The following DLG2 variants were observed in gnomAD, a reference collection of about 807,000 sequenced individuals.
DLG2 encodes disks large homolog 2.
A neutral mutation model predicts 132.5 loss-of-function variants in DLG2; 45 were observed. The ratio of observed to expected loss-of-function variants is 0.34; its 90% CI spans 0.27 to 0.44. The LOEUF is 0.44. DLG2 is among the 20% of genes least tolerant of loss of function. DLG2 has a pLI of 1.00. For synonymous variants in DLG2, 424 were observed against 419.6 expected (o/e 1.01, Z -0.13); for missense variants, 1,045 against 1,196.9 (o/e 0.87, Z 1.87).
At chr11:84,494,703 T>G (rs972929885) in intron 7 of DLG2, among the ~76,000 whole-genome samples, 1 of 152,102 alleles carries the variant, frequency 6.6e-6, no homozygotes, top group African/African-American at 2.4e-5. Flanking sequence ...TACTAGGCAG[T>G]GAGTAGCAGA....
At chr11:85,124,834 A>AAT (rs545315569) in intron 5 of DLG2, among the ~76,000 whole-genome samples, 25 of 148,316 alleles carry the variant, frequency 1.7e-4, no homozygotes, top group Non-Finnish European at 3.3e-4. Flanking sequence ...GCACAGTAAA[A>AAT]TTTTTTTTTT....
intron 7 of DLG2, among the ~76,000 whole-genome samples, chr11:84,311,153 G>A (rs2098282325): frequency 6.6e-6 from 1 of 151,972 alleles, no homozygotes; most frequent in South Asian, 2.1e-4. Context: ...AAAAGTTTCT[G>A]GACAGTTGCC....
chr11:84,378,969 AAAACAAACAT>A (rs1258600807), intron 7 of DLG2, among the ~76,000 whole-genome samples: 1 of 152,042 alleles, frequency 6.6e-6, no homozygotes, highest in East Asian at 1.9e-4. Flanking sequence ...AACAAAAACA[AAAACAAACAT>A]AAACAAACAA....
intron 3 of DLG2, among the ~76,000 whole-genome samples, chr11:85,538,318 A>G (rs1249459400): frequency 6.6e-6 from 1 of 151,800 alleles, no homozygotes; most frequent in Non-Finnish European, 1.5e-5. Context: ...TGATCTGGCA[A>G]TTATTAAAAA....
At chr11:84,083,697 C>A (rs1229190125) in intron 10 of DLG2, among the ~76,000 whole-genome samples, 2 of 152,152 alleles carry the variant, frequency 1.3e-5, no homozygotes, top group African/African-American at 4.8e-5. Context: ...CAAGGGATGG[C>A]CTTTGTCAGA....
chr11:85,114,000 A>G (rs540153), intron 5 of DLG2, among the ~76,000 whole-genome samples: 108,163 of 151,716 alleles, frequency 0.71, 39,306 homozygotes, highest in East Asian at 0.95. Flanking sequence ...AGATGGTCTC[A>G]AAAGAGCCTT....
intron 7 of DLG2, among the ~76,000 whole-genome samples, chr11:84,520,888 A>G (rs1308571394): frequency 6.6e-6 from 1 of 152,188 alleles, no homozygotes; most frequent in Non-Finnish European, 1.5e-5. Context: ...TAGGTTTAGG[A>G]GCATTCAGTG....
chr11:85,032,175 T>C (rs894077453), intron 6 of DLG2, among the ~76,000 whole-genome samples: 4 of 152,096 alleles, frequency 2.6e-5, no homozygotes, highest in Admixed American at 2.6e-4. Context: ...GAAGTAGAGC[T>C]TTTCATACCA....
In DLG2 at chr11:83,633,251, C is replaced by T. The variant is rs964841955; in HGVS notation, c.1900G>A (p.Gly634Arg). ...CGTTTCTGATTGGTTCGCAGGGATCCGGACCCGGAGCTCATGCTGTGGTTC... is the reference window on the plus strand; with the variant it reads ...CGTTTCTGATTGGTTCGCAGGGATCTGGACCCGGAGCTCATGCTGTGGTTC... ...MMNHSMSSGS[G>R]SLRTNQKRSL... The change falls in exon 19 of 28, where the codon GGA becomes AGA. Residue 634 changes from glycine to arginine, a missense_variant. Gly to Arg is a moderately radical substitution (Grantham distance 125). This residue lies in a region of DLG2 where 398 missense variants were observed against 543.6 expected (regional missense o/e 0.73). Coordinates refer to ENST00000376104, the MANE Select transcript of DLG2 (RefSeq NM_001142699.3). 3.1e-6 allele frequency: 5 copies of T among 1,613,660 alleles called. No individual in the cohort carries two copies. Among genetic ancestry groups the T allele is most frequent in the South Asian group, 1.1e-5 (1 of 91,074 alleles).
At chr11:84,696,139 T>G (rs1416740722) in intron 6 of DLG2, among the ~76,000 whole-genome samples, 1 of 151,514 alleles carries the variant, frequency 6.6e-6, no homozygotes, top group Non-Finnish European at 1.5e-5. Flanking sequence ...ATGAATGGTC[T>G]GGTAGGTAAA....
At chr11:84,384,951 G>A (rs746376999) in intron 7 of DLG2, among the ~76,000 whole-genome samples, 1 of 152,086 alleles carries the variant, frequency 6.6e-6, no homozygotes, top group Non-Finnish European at 1.5e-5. Flanking sequence ...CATGTGCCAG[G>A]TGCAGGGGTT....
chr11:83,719,917 C>A (rs1391968817), intron 18 of DLG2, among the ~76,000 whole-genome samples: 2 of 152,138 alleles, frequency 1.3e-5, no homozygotes, highest in African/African-American at 4.8e-5. Context: ...TGGATAACTT[C>A]CATCAAGGTG....
intron 19 of DLG2, among the ~76,000 whole-genome samples, chr11:83,582,838 C>CATCT (rs1464731088): frequency 6.6e-6 from 1 of 152,150 alleles, no homozygotes; most frequent in Non-Finnish European, 1.5e-5. Context: ...GTATAGAAAA[C>CATCT]ATCTAGCTTA....
At chr11:83,622,913 C>A (rs1290725407) in intron 19 of DLG2, among the ~76,000 whole-genome samples, 4 of 151,968 alleles carry the variant, frequency 2.6e-5, no homozygotes, top group Non-Finnish European at 5.9e-5. Context: ...TGTAGATGTC[C>A]AATTGGTTCA....
chr11:83,852,805 C>T (rs1417282560), intron 16 of DLG2, among the ~76,000 whole-genome samples: 1 of 152,154 alleles, frequency 6.6e-6, no homozygotes, highest in Non-Finnish European at 1.5e-5. Context: ...CTAATTCCTT[C>T]TTTTCTTTAT....
chr11:83,745,142 T>C (rs1296280295), intron 18 of DLG2, among the ~76,000 whole-genome samples: 2 of 152,178 alleles, frequency 1.3e-5, no homozygotes, highest in Non-Finnish European at 2.9e-5. Flanking sequence ...CCTGAGGTTC[T>C]TTTTACAGGA....
chr11:85,454,557 T>C (rs971837483), intron 3 of DLG2, among the ~76,000 whole-genome samples: 1 of 152,198 alleles, frequency 6.6e-6, no homozygotes, highest in Non-Finnish European at 1.5e-5. Context: ...TTATCAATTA[T>C]TATTTTTGTT....
At chr11:84,976,570 G>T (rs929886713) in intron 6 of DLG2, among the ~76,000 whole-genome samples, 1 of 152,052 alleles carries the variant, frequency 6.6e-6, no homozygotes, top group Non-Finnish European at 1.5e-5. Flanking sequence ...CAGAGTAAAT[G>T]AGTGGTTTCC....
intron 15 of DLG2, among the ~76,000 whole-genome samples, chr11:83,888,154 C>G (rs1387523496): frequency 6.6e-6 from 1 of 150,954 alleles, no homozygotes; most frequent in East Asian, 1.9e-4. Flanking sequence ...AAGAGGAAGT[C>G]AAATTGTCCC....
Sources: gnomAD v4.1 joint callset for allele counts (sites outside exome capture counted in the v4.1 genomes callset) on GRCh38, gnomAD v4.1.1 for gene constraint, gnomAD v4.1.1 regional missense constraint, MANE v1.5 for transcripts, NCBI Gene and HGNC (gene_info 2026-07-23, HGNC 2026-07-21) for gene names.